The following EPHA3 variants were observed in gnomAD, a reference collection of about 807,000 sequenced individuals.
EPHA3 encodes ephrin type-A receptor 3.
A neutral mutation model predicts 107.1 loss-of-function variants in EPHA3; 42 were observed. The ratio of observed to expected loss-of-function variants is 0.39; its 90% CI spans 0.31 to 0.51. The LOEUF (loss-of-function observed/expected upper bound fraction) is 0.51. Ranked by LOEUF, EPHA3 falls within the 20% of genes least tolerant of loss-of-function variation. The pLI is 0.78. For missense variants in EPHA3, 1,183 were observed against 1,211.2 expected (o/e 0.98, Z 0.35); for synonymous variants, 461 against 424.8 (o/e 1.09, Z -1.05).
At chr3:89,179,454 C>T (rs145355189) in intron 2 of EPHA3, among the ~76,000 whole-genome samples, 2 of 152,050 alleles carry the variant, frequency 1.3e-5, no homozygotes, top group African/African-American at 4.8e-5. Flanking sequence ...AGAAATAAAT[C>T]ATGATTCATA....
At chr3:89,268,947 T>C (rs554887423) in intron 3 of EPHA3, among the ~76,000 whole-genome samples, 1 of 152,180 alleles carries the variant, frequency 6.6e-6, no homozygotes, top group Non-Finnish European at 1.5e-5. Flanking sequence ...GTGTATTTTA[T>C]ACAAGGTCGT....
chr3:89,451,427 A>G (rs1709987295), intron 15 of EPHA3, among the ~76,000 whole-genome samples: 1 of 152,174 alleles, frequency 6.6e-6, no homozygotes, highest in Non-Finnish European at 1.5e-5. Flanking sequence ...TTTGATTCTC[A>G]TTGTAAGCAT....
At chr3:89,250,886 CTTTCTA>C (rs1434782620) in intron 3 of EPHA3, among the ~76,000 whole-genome samples, 3 of 152,124 alleles carry the variant, frequency 2.0e-5, no homozygotes, top group Non-Finnish European at 4.4e-5. Flanking sequence ...TTGGTGATAT[CTTTCTA>C]TAAGACTGTA....
At chr3:89,392,341 A>C (rs1708761311) in intron 5 of EPHA3, among the ~76,000 whole-genome samples, 1 of 151,962 alleles carries the variant, frequency 6.6e-6, no homozygotes, top group African/African-American at 2.4e-5. Context: ...TGGGAGGCTG[A>C]GGCAGTAGAG....
chr3:89,133,169 T>C lies in EPHA3; in HGVS notation c.153+5896T>C, dbSNP rs1039264197. Among the ~76,000 whole-genome samples, 157 of 152,332 alleles carry C rather than the reference T, an allele frequency of 1.0e-3. 1 individual carries two copies. The highest frequency in any genetic ancestry group is 3.6e-3 in the African/African-American group (151 of 41,584). On this transcript the variant is annotated intron_variant, in intron 2 of 16. Coordinates refer to ENST00000336596, the MANE Select transcript of EPHA3 (RefSeq NM_005233.6). ...TAAATCTCAGTCTACACTTGAGGTC[T>C]TGAATTTGTATTTAGGAGAAGGAAA...
chr3:89,175,001 C>A (rs1247742023), intron 2 of EPHA3, among the ~76,000 whole-genome samples: 1 of 150,912 alleles, frequency 6.6e-6, no homozygotes, highest in Non-Finnish European at 1.5e-5. Context: ...CTGCATAATA[C>A]TTTTTCTGTT....
At chr3:89,335,759 C>T (rs950324666) in intron 3 of EPHA3, among the ~76,000 whole-genome samples, 1 of 152,148 alleles carries the variant, frequency 6.6e-6, no homozygotes, top group Non-Finnish European at 1.5e-5. Context: ...AAAAAGGTGG[C>T]AATTTGCTTC....
intron 3 of EPHA3, among the ~76,000 whole-genome samples, chr3:89,332,983 C>A (rs1487954052): frequency 6.6e-6 from 1 of 152,190 alleles, no homozygotes; most frequent in East Asian, 1.9e-4. Flanking sequence ...TGCCTTCTTT[C>A]TTTCAACAGT....
Position 89,210,400 on chromosome 3 carries a change from A to G in EPHA3, c.694A>G (p.Asn232Asp), listed in dbSNP as rs748217146. Residue 232 changes from asparagine (N) to aspartate (D), a missense_variant, in exon 3 of 17, where the codon AAC becomes GAC. Coordinates refer to ENST00000336596, the MANE Select transcript of EPHA3 (RefSeq NM_005233.6). ...SLVEVRGSCV[N>D]NSKEEDPPRM... Reference sequence around the variant, plus strand: ...GGTGGAGGTTAGAGGGTCTTGTGTCAACAATTCTAAGGAGGAAGATCCTCC... The same window carrying G: ...GGTGGAGGTTAGAGGGTCTTGTGTCGACAATTCTAAGGAGGAAGATCCTCC... The G allele has an allele frequency of 3.1e-6, 5 of 1,613,864 alleles. No homozygotes were observed. The Admixed American group carries it at 6.7e-5, about 22-fold the overall frequency.
chr3:89,152,013 T>C (rs560309337), intron 2 of EPHA3, among the ~76,000 whole-genome samples: 6 of 152,182 alleles, frequency 3.9e-5, no homozygotes, highest in South Asian at 2.1e-4. Context: ...TAAATTTTAA[T>C]ATTGTTTGGT....
At chr3:89,236,340 A>G (rs1444273391) in intron 3 of EPHA3, among the ~76,000 whole-genome samples, 2 of 152,030 alleles carry the variant, frequency 1.3e-5, no homozygotes, top group African/African-American at 2.4e-5. Flanking sequence ...AAGAGAGTAA[A>G]TGAATAAAAG....
At chr3:89,227,142 A>C (rs1396671623) in intron 3 of EPHA3, among the ~76,000 whole-genome samples, 4 of 152,072 alleles carry the variant, frequency 2.6e-5, no homozygotes, top group African/African-American at 4.8e-5. Context: ...CCTGAATGGC[A>C]TGTGTATTCA....
At chr3:89,316,508 ATATATATAT>A in intron 3 of EPHA3, among the ~76,000 whole-genome samples, 1 of 62,816 alleles carries the variant, frequency 1.6e-5, no homozygotes, top group South Asian at 3.2e-4. Context: ...TGTGTGTAAT[ATATATATAT>A]ATATATATAT....
chr3:89,456,893 T>A (rs1223694604), intron 15 of EPHA3, among the ~76,000 whole-genome samples: 1 of 152,214 alleles, frequency 6.6e-6, no homozygotes, highest in Non-Finnish European at 1.5e-5. Context: ...TGTTAGGTCC[T>A]GTGATGATTA....
At position 89,288,324 on chromosome 3, in the gene EPHA3, T is replaced by G. The variant is rs191036958; in HGVS notation, c.815-52592T>G. On this transcript the variant is annotated intron_variant, in intron 3 of 16. Transcript: ENST00000336596. ...TTACTTGGTAGGACATGAATGATTA[T>G]AGCCTTAAACTGGTAATATGCCTTC... Among the ~76,000 whole-genome samples, 49 of 152,296 alleles carry G rather than the reference T, an allele frequency of 3.2e-4. 2 individuals carry two copies. In the East Asian group the frequency reaches 9.1e-3, roughly 28 times the overall value.
At chr3:89,168,478 G>A (rs1390852817) in intron 2 of EPHA3, among the ~76,000 whole-genome samples, 1 of 152,018 alleles carries the variant, frequency 6.6e-6, no homozygotes, top group Non-Finnish European at 1.5e-5. Context: ...TTTAAAAACA[G>A]CATTGATGTT....
chr3:89,305,581 T>C (rs1706597448), intron 3 of EPHA3, among the ~76,000 whole-genome samples: 1 of 152,158 alleles, frequency 6.6e-6, no homozygotes, highest in Admixed American at 6.6e-5. Flanking sequence ...CTTTAATATC[T>C]CCTTTACCTC....
At chr3:89,452,165 C>G (rs2107557404) in intron 15 of EPHA3, among the ~76,000 whole-genome samples, 1 of 152,248 alleles carries the variant, frequency 6.6e-6, no homozygotes, top group Non-Finnish European at 1.5e-5. Flanking sequence ...CTGCAATGAA[C>G]ATGGGAATAT....
intron 5 of EPHA3, among the ~76,000 whole-genome samples, chr3:89,380,549 C>A (rs114970596): frequency 0.016 from 2,430 of 152,198 alleles, 67 homozygotes; most frequent in African/African-American, 0.055. Flanking sequence ...AAGGAGCCAG[C>A]CAAGACTAAA....
Sources: gnomAD v4.1 joint callset for allele counts (sites outside exome capture counted in the v4.1 genomes callset) on GRCh38, gnomAD v4.1.1 for gene constraint, MANE v1.5 for transcripts, NCBI Gene and HGNC (gene_info 2026-07-23, HGNC 2026-07-21) for gene names.